Variants in CHD3 observed in about 807,000 individuals in gnomAD.
CHD3 encodes the protein ATP-dependent chromatin remodeler CHD3.
Under a neutral mutation model 248.9 loss-of-function variants are expected in CHD3, and 52 were observed. The ratio of observed to expected loss-of-function variants is 0.21; its 90% CI spans 0.17 to 0.26. CHD3 has a LOEUF of 0.26. Among genes scored for constraint, CHD3 ranks in the 10% least tolerant of loss-of-function variants. The pLI is 1.00. For missense variants in CHD3, 1,482 were observed against 2,605.8 expected, an observed-to-expected ratio of 0.57 and a Z score of 9.39; for synonymous variants, 985 against 985.2, an observed-to-expected ratio of 1.00 and a Z score of 0.00.
intron 5 of CHD3, 50 bp from the exon 6 acceptor site, chr17:7,893,755 G>C: frequency 6.3e-7 from 1 of 1,594,492 alleles, no homozygotes; most frequent in Non-Finnish European, 8.5e-7. Flanking sequence ...ATAATTCCAG[G>C]ATGTCATGAC....
chr17:7,901,450 C>A (rs186219028), intron 20 of CHD3, 75 bp downstream of exon 20: 4 of 1,351,364 alleles, frequency 3.0e-6, no homozygotes, highest in Admixed American at 2.4e-5. Flanking sequence ...TAATTTCTTA[C>A]GGTCTTCCTG....
In CHD3 at chr17:7,893,482, C is replaced by T; in HGVS notation, c.706C>T (p.Pro236Ser). 6.3e-7 allele frequency: 1 copy of T among 1,576,164 alleles called. No individual in the cohort carries two copies. Among genetic ancestry groups the T allele is most frequent in the Non-Finnish European group, 8.7e-7 (1 of 1,155,810 alleles). Reference protein sequence around the residue: ...AAVSSATPIAPSGPPALPPPP... With the variant: ...AAVSSATPIASSGPPALPPPP... ...TGTCTCGTCGGCCACCCCCATAGCA[C>T]CCTCCGGACCCCCCGCCCTTCCACC... is the stretch of plus-strand genomic sequence containing the variant. The change falls in exon 5 of 40, where the codon CCC becomes TCC. Residue 236 changes from proline to serine, a missense_variant. Physicochemically the swap from Pro to Ser is moderately conservative, Grantham distance 74. Transcript: ENST00000330494.
intron 2 of CHD3, 113 bp from the exon 3 acceptor site, chr17:7,890,458 T>G: frequency 1.3e-6 from 1 of 749,972 alleles, no homozygotes; most frequent in South Asian, 2.5e-5. Flanking sequence ...AAAAATTAGT[T>G]ACTATCACAG....
At chr17:7,892,624 G>A (rs1156625134) in intron 4 of CHD3, among the ~76,000 whole-genome samples, 1 of 151,692 alleles carries the variant, frequency 6.6e-6, no homozygotes, top group Non-Finnish European at 1.5e-5. Flanking sequence ...AGCCTCCCGA[G>A]TAGCTGAGAC....
Position 7,894,205 on chromosome 17 carries a change from G to A in CHD3, c.1015G>A (p.Asp339Asn). ...GSVHSASGRPDGPVRTKKLKR... is the reference protein window; with the variant it reads ...GSVHSASGRPNGPVRTKKLKR... ...TGTCCACAGTGCCTCAGGCCGGCCT[G>A]ATGGCCCTGTCCGCACCAAGAAACT... Residue 339 changes from aspartate (D) to asparagine (N), a missense_variant, in exon 7 of 40, where the codon GAT becomes AAT. Transcript: ENST00000330494. 6.2e-7 allele frequency: 1 copy of A among 1,614,236 alleles called. No homozygotes were observed. Among genetic ancestry groups the A allele is most frequent in the Non-Finnish European group, 8.5e-7 (1 of 1,180,032 alleles).
intron 20 of CHD3, among the ~76,000 whole-genome samples, chr17:7,902,090 A>T (rs936765157): frequency 3.3e-5 from 5 of 152,048 alleles, no homozygotes; most frequent in African/African-American, 1.2e-4. Context: ...GTCTCAGAGA[A>T]CCTCTGCCTT....
Position 7,899,479 on chromosome 17 carries a change from G to A in CHD3, c.2480G>A (p.Arg827His). The A allele has an allele frequency of 1.2e-6, 2 of 1,614,162 alleles. No homozygotes were observed. The highest frequency in any genetic ancestry group is 2.2e-5 in the East Asian group (1 of 44,888). Residue 827 changes from arginine to histidine, a missense_variant, in exon 15 of 40, where the codon CGT becomes CAT. This residue lies in a region of CHD3 where 49 missense variants were observed against 93.8 expected (regional missense o/e 0.52). Transcript: ENST00000330494. The surrounding 1 kb of genome is among the most constrained non-coding windows in gnomAD (Gnocchi z 6.8). ...GACAAGGACAGCCGGGCCATCATTC[G>A]TGAGAATGAATTCTCCTTTGAGGAC... ...TGDKDSRAIIRENEFSFEDNA... is the reference protein window; with the variant it reads ...TGDKDSRAIIHENEFSFEDNA...
rs1971717451 is a variant in CHD3 at position 7,911,949 on chromosome 17, GCT to G, written c.*367_*368del. On this transcript the variant is annotated 3_prime_UTR_variant, in exon 40 of 40. Coordinates refer to ENST00000330494, the MANE Select transcript of CHD3 (RefSeq NM_001005273.3). The surrounding 1 kb of genome is among the most constrained non-coding windows in gnomAD (Gnocchi z 5.4). The stretch of plus-strand genomic sequence containing the variant: ...CCCCAGCCGTTTCCCTGCAGAATCA[GCT>G]CTGTCTCATGTGGAAGTGGAGAATC... 3 of 364,106 alleles carry G rather than the reference GCT, an allele frequency of 8.2e-6. No individual in the cohort carries two copies. Among genetic ancestry groups the G allele is most frequent in the Non-Finnish European group, 5.2e-6 (1 of 192,266 alleles). The allele number at this position is 364,106 out of a possible 1,614,324, so 22.6% of individuals were successfully genotyped here.
Position 7,905,572 on chromosome 17 carries a change from G to T in CHD3, c.4139-49G>T. 7.1e-7 allele frequency: 1 copy of T among 1,407,962 alleles called. No individual in the cohort carries two copies. The highest frequency in any genetic ancestry group is 2.4e-5 in the East Asian group (1 of 41,454). 87.2% of individuals were successfully genotyped at this position (1,407,962 alleles called of 1,614,324 possible). A position where few individuals can be genotyped will look rare whatever the true frequency, so the allele number is the denominator to read the frequency against. ...GAATGGGGTGCTAAGGAGGACTGAGGCTTAGAGGAGGTGGTGGCTCAGCTA... is the reference window on the plus strand; with the variant it reads ...GAATGGGGTGCTAAGGAGGACTGAGTCTTAGAGGAGGTGGTGGCTCAGCTA... On this transcript the variant is annotated intron_variant, in intron 26 of 39. Coordinates refer to ENST00000330494, the MANE Select transcript of CHD3 (RefSeq NM_001005273.3). This position sits in a 1 kb window ranked among gnomAD's most constrained non-coding sequence, Gnocchi z 5.8.
Position 7,897,124 on chromosome 17 carries a change from G to T in CHD3, c.1749G>T (p.Arg583=). The change falls in exon 11 of 40, where the codon CGG becomes CGT. Residue 583 remains arginine (R), a synonymous_variant. Coordinates refer to ENST00000330494, the MANE Select transcript of CHD3 (RefSeq NM_001005273.3). The surrounding 1 kb of genome is among the most constrained non-coding windows in gnomAD (Gnocchi z 4.8). ...FHLVMYRNYQ[R]KNDMDEPPPL... is the part of the protein sequence containing the mutation. ...TGGTTATGTATCGAAACTACCAGCGGAAGAATGACATGGATGAGCCCCCAC... is the reference window on the plus strand; with the variant it reads ...TGGTTATGTATCGAAACTACCAGCGTAAGAATGACATGGATGAGCCCCCAC... 6.2e-7 allele frequency: 1 copy of T among 1,614,234 alleles called. No individual in the cohort carries two copies. Among genetic ancestry groups the T allele is most frequent in the Non-Finnish European group, 8.5e-7 (1 of 1,180,040 alleles).
At chr17:7,885,057 C>T (rs766660828), upstream of CHD3, 757 of 998,964 alleles carry the variant, frequency 7.6e-4, 1 homozygote, top group South Asian at 1.7e-3. Flanking sequence ...CCACCGCTGC[C>T]CCCGCCGCCG....
chr17:7,908,584 C>G lies in CHD3; in HGVS notation c.5261+74C>G. On this transcript the variant is annotated intron_variant, in intron 35 of 39. Coordinates refer to ENST00000330494, the MANE Select transcript of CHD3 (RefSeq NM_001005273.3). This position sits in a 1 kb window ranked among gnomAD's most constrained non-coding sequence, Gnocchi z 5.8. ...AAAAAAAAAAAAGATGATTTCACAC[C>G]CAGGGACAGGGCTAGTGCCACACTT... 6.3e-7 allele frequency: 1 copy of G among 1,586,070 alleles called. No homozygotes were observed. Among genetic ancestry groups the G allele is most frequent in the Non-Finnish European group, 8.6e-7 (1 of 1,156,464 alleles).
At position 7,895,021 on chromosome 17, in the gene CHD3, C is replaced by T. The variant is rs1222766970; in HGVS notation, c.1374C>T (p.Tyr458=). 6.2e-7 allele frequency: 1 copy of T among 1,614,146 alleles called. No homozygotes were observed. Among genetic ancestry groups the T allele is most frequent in the Non-Finnish European group, 8.5e-7 (1 of 1,180,008 alleles). Residue 458 remains tyrosine, a synonymous_variant, in exon 9 of 40, where the codon TAC becomes TAT. Transcript: ENST00000330494. The surrounding 1 kb of genome is among the most constrained non-coding windows in gnomAD (Gnocchi z 4.9). ...EKEEEDDHME[Y]CRVCKDGGEL... is the part of the protein sequence containing the mutation. ...AGGAGGAGGATGATCACATGGAGTA[C>T]TGCCGCGTATGCAAGGACGGCGGGG...
rs1969154452 is a variant in CHD3 at position 7,893,401 on chromosome 17, G to C, written c.625G>C (p.Val209Leu). ...CCCCTTCAAGGGGTCAGCAGCTGCT[G>C]TGGCGGCGGCAGCGGCAGCAGCAGC... ...NNPFKGSAAA[V>L]AAAAAAAAAA... is the part of the protein sequence containing the mutation. Residue 209 changes from valine (V) to leucine (L), a missense_variant, in exon 5 of 40, where the codon GTG (valine) becomes CTG (leucine). Physicochemically the swap from Val to Leu is conservative, Grantham distance 32. Transcript: ENST00000330494. 10 of 1,612,946 alleles carry C rather than the reference G, an allele frequency of 6.2e-6. No homozygotes were observed. The highest frequency in any genetic ancestry group is 8.5e-6 in the Non-Finnish European group (10 of 1,179,694).
Position 7,903,250 on chromosome 17 carries a change from C to A in CHD3, c.3496-22C>A. 2 of 1,611,126 alleles carry A rather than the reference C, an allele frequency of 1.2e-6. No individual in the cohort carries two copies. Among genetic ancestry groups the A allele is most frequent in the African/African-American group, 2.7e-5 (2 of 75,000 alleles). Reference sequence around the variant, plus strand: ...CCCGGCCACTCCCCTGACCCACCCGCCACTTTCTCTTGCCCCTGCAGGCCT... The same window carrying A: ...CCCGGCCACTCCCCTGACCCACCCGACACTTTCTCTTGCCCCTGCAGGCCT... On this transcript the variant is annotated intron_variant, in intron 22 of 39. Transcript: ENST00000330494. The surrounding 1 kb of genome is among the most constrained non-coding windows in gnomAD (Gnocchi z 6.8).
chr17:7,890,716 A>G lies in CHD3; in HGVS notation c.359A>G (p.Lys120Arg), dbSNP rs1338869203. 6 of 1,540,100 alleles carry G rather than the reference A, an allele frequency of 3.9e-6. No homozygotes were observed. Among genetic ancestry groups the G allele is most frequent in the Admixed American group, 2.0e-5 (1 of 50,402 alleles). The change falls in exon 3 of 40, where the codon AAG becomes AGG. Residue 120 changes from lysine (K) to arginine (R), a missense_variant. Physicochemically the swap from Lys to Arg is conservative, Grantham distance 26 (BLOSUM62 2). Around this residue, in one of 20 missense-constraint regions of CHD3, gnomAD observed 169 missense variants for 168.1 expected, o/e 1.01. Coordinates refer to ENST00000330494, the MANE Select transcript of CHD3 (RefSeq NM_001005273.3). ...KKEKKTKRRKKGEGDGGQKQV... is the reference protein window; with the variant it reads ...KKEKKTKRRKRGEGDGGQKQV... ...GAGAAGAAGACAAAGCGGCGGAAAAAGGGGGAGGGAGATGGGGGGCAAAAG... is the reference window on the plus strand; with the variant it reads ...GAGAAGAAGACAAAGCGGCGGAAAAGGGGGGAGGGAGATGGGGGGCAAAAG...
At position 7,894,440 on chromosome 17, in the gene CHD3, G is replaced by A. The variant is rs144025099; in HGVS notation, c.1101G>A (p.Gly367=). The part of the protein sequence containing the change: ...KKVLGCPAVA[G]EEEVDGYETD... ...TCCTGGGCTGTCCTGCAGTGGCCGG[G>A]GAGGAGGAGGTTGATGGCTACGAGA... Residue 367 remains glycine, a synonymous_variant, in exon 8 of 40, where the codon GGG becomes GGA. Transcript: ENST00000330494. 6.2e-7 allele frequency: 1 copy of A among 1,613,868 alleles called. No homozygotes were observed. Among genetic ancestry groups the A allele is most frequent in the East Asian group, 2.2e-5 (1 of 44,874 alleles).
At chr17:7,887,601 G>C (rs1171007095), upstream of CHD3, among the ~76,000 whole-genome samples, 4 of 152,166 alleles carry the variant, frequency 2.6e-5, no homozygotes, top group Admixed American at 2.0e-4. Flanking sequence ...CGTTGTGGGG[G>C]AGGGAGGGGA....
chr17:7,907,958 A>G lies in CHD3; in HGVS notation c.5091A>G (p.Arg1697=), dbSNP rs1397871593. ...GPRDEPRSNG[R]REEKTEKPRF... is the part of the protein sequence containing the mutation. The stretch of plus-strand genomic sequence containing the variant: ...GAGATGAGCCACGGTCCAATGGGCG[A>G]CGAGAGGAAAAGACAGAGAAGCCCC... Residue 1697 remains arginine (R), a synonymous_variant, in exon 34 of 40, where the codon CGA becomes CGG. Coordinates refer to ENST00000330494, the MANE Select transcript of CHD3 (RefSeq NM_001005273.3). The surrounding 1 kb of genome is among the most constrained non-coding windows in gnomAD (Gnocchi z 4.3). The G allele has an allele frequency of 1.9e-6, 3 of 1,613,086 alleles. No individual in the cohort carries two copies. Among genetic ancestry groups the G allele is most frequent in the African/African-American group, 1.3e-5 (1 of 74,982 alleles).
Sources: allele counts gnomAD v4.1 joint callset (sites outside exome capture counted in the v4.1 genomes callset), GRCh38; gene constraint gnomAD v4.1.1; regional missense constraint gnomAD v4.1.1; non-coding constraint Gnocchi (gnomAD v3.1); transcripts MANE v1.5; gene names NCBI Gene and HGNC (gene_info 2026-07-23, HGNC 2026-07-21).